AGA: variants seen among roughly 807,000 people sequenced by gnomAD.
AGA encodes N(4)-(beta-N-acetylglucosaminyl)-L-asparaginase.
Under a neutral mutation model 40.1 loss-of-function variants are expected in AGA, and 31 were observed. The ratio of observed to expected loss-of-function variants is 0.77; its 90% CI spans 0.58 to 1.04. The LOEUF is 1.04. AGA is among the 50% of genes least tolerant of loss of function. The pLI, the probability that AGA is intolerant of heterozygous loss-of-function variation, is 0.00. For synonymous variants in AGA, 148 were observed against 144.0 expected (o/e 1.03, Z -0.20); for missense variants, 445 against 435.4 (o/e 1.02, Z -0.20).
rs767973507 is a variant in AGA at position 177,434,345 on chromosome 4, CA to C, written c.806+36del. ...TCTTAAAAGAAAAAAATATCTTCTC[CA>C]AAGGTCTCTAAAATTCACAAACTAA... On this transcript the variant is annotated intron_variant, in intron 7 of 8. Coordinates refer to ENST00000264595, the MANE Select transcript of AGA (RefSeq NM_000027.4). The C allele has an allele frequency of 4.4e-6, 7 of 1,574,936 alleles. 1 individual carries two copies.
At position 177,440,276 on chromosome 4, in the gene AGA, T is replaced by C; in HGVS notation, c.278A>G (p.Asp93Gly). 1.2e-6 allele frequency: 2 copies of C among 1,613,846 alleles called. No individual in the cohort carries two copies. The highest frequency in any genetic ancestry group is 1.1e-5 in the South Asian group (1 of 91,062). ...AGGACCTGAACGGTGTTCTTACCCA[T>C]CCATGATCATGGCATCTAGTGTGGT... ...GETTLDAMIM[D>G]GTTMDVGAVG... The change falls in exon 2 of 9, where the codon GAT becomes GGT. Residue 93 changes from aspartate to glycine, a missense_variant. Asp to Gly is a moderately conservative substitution (Grantham distance 94, BLOSUM62 -1). Coordinates refer to ENST00000264595, the MANE Select transcript of AGA (RefSeq NM_000027.4).
chr4:177,440,512 C>G (rs949735021), intron 1 of AGA, 86 bp from the exon 2 acceptor site: 1 of 1,434,846 alleles, frequency 7.0e-7, no homozygotes, highest in Non-Finnish European at 9.5e-7. Context: ...AATTTAACAA[C>G]TTTTTCACAT....
Position 177,439,706 on chromosome 4 carries a change from G to T in AGA, c.282-18C>A. ...TAGTAGTGCTGCAAGAAAATAGAAT[G>T]CAGTTAGGAATTAAGGAGTTTTCAG... On this transcript the variant is annotated intron_variant, in intron 2 of 8. Transcript: ENST00000264595. 6.5e-7 allele frequency: 1 copy of T among 1,547,438 alleles called. No individual in the cohort carries two copies. Among genetic ancestry groups the T allele is most frequent in the Non-Finnish European group, 8.9e-7 (1 of 1,120,412 alleles).
At chr4:177,437,283 G>A (rs1227968001) in intron 5 of AGA, 122 bp downstream of exon 5, 1 of 753,800 alleles carries the variant, frequency 1.3e-6, no homozygotes, top group Non-Finnish European at 2.3e-6. Flanking sequence ...TATCTATAGA[G>A]AGGCACACTT....
chr4:177,436,290 T>G lies in AGA; in HGVS notation c.684A>C (p.Lys228Asn), dbSNP rs1238822496. ...IAAGTSTNGIKFKIHGRVGDS... is the reference protein window; with the variant it reads ...IAAGTSTNGINFKIHGRVGDS... ...GAAACACTAACCCATGTATTTTGAA[T>G]TTTATACCATTTGTAGATGTACCAG... is the stretch of plus-strand genomic sequence containing the variant. Residue 228 changes from lysine (K) to asparagine (N), a missense_variant, in exon 6 of 9, where the codon AAA (lysine) becomes AAC (asparagine). By Grantham distance (94) the Lys-to-Asn change is moderately conservative. Transcript: ENST00000264595. 1.9e-6 allele frequency: 3 copies of G among 1,613,002 alleles called. No individual in the cohort carries two copies. The East Asian group carries it at 6.7e-5, about 36-fold the overall frequency.
chr4:177,438,140 T>C (rs920968230), intron 4 of AGA, among the ~76,000 whole-genome samples: 2 of 152,116 alleles, frequency 1.3e-5, no homozygotes, highest in Non-Finnish European at 2.9e-5. Flanking sequence ...TCCCCTAACT[T>C]CGTTTTATGA....
chr4:177,438,384 A>G (rs1736889661), intron 4 of AGA, among the ~76,000 whole-genome samples: 1 of 152,210 alleles, frequency 6.6e-6, no homozygotes, highest in African/African-American at 2.4e-5. Context: ...TACTGGATAC[A>G]CTGCACGTAA....
chr4:177,438,869 AAAAAAGG>A lies in AGA; in HGVS notation c.395-19_395-13del. The A allele has an allele frequency of 6.8e-7, 1 of 1,460,402 alleles. No homozygotes were observed. The highest frequency in any genetic ancestry group is 9.6e-7 in the Non-Finnish European group (1 of 1,039,520). 90.5% of individuals were successfully genotyped at this position (1,460,402 alleles called of 1,614,324 possible). On this transcript the variant is annotated splice_polypyrimidine_tract_variant and intron_variant, in intron 3 of 8. Transcript: ENST00000264595. ...AGCAAATGTGGTGGCTGGAGATTGG[AAAAAAGG>A]AAAGTATAAATTATTCAAGTATTGT...
chr4:177,436,129 C>A, intron 6 of AGA, 147 bp downstream of exon 6: 1 of 724,268 alleles, frequency 1.4e-6, no homozygotes, highest in Non-Finnish European at 2.4e-6. Context: ...TCCTGTGGCA[C>A]TCAGCAGAGA....
intron 6 of AGA, among the ~76,000 whole-genome samples, chr4:177,435,135 T>C (rs1351677166): frequency 6.6e-6 from 1 of 151,964 alleles, no homozygotes; most frequent in African/African-American, 2.4e-5. Context: ...GGTCTCGAAC[T>C]CCTGACCTCA....
chr4:177,439,623 C>T lies in AGA; in HGVS notation c.347G>A (p.Arg116Gln), dbSNP rs774967157. The T allele has an allele frequency of 3.7e-6, 6 of 1,613,234 alleles. No homozygotes were observed. The highest frequency in any genetic ancestry group is 1.1e-5 in the South Asian group (1 of 91,074). Residue 116 changes from arginine to glutamine, a missense_variant, in exon 3 of 9, where the codon CGG becomes CAG. Arg to Gln is a conservative substitution (Grantham distance 43). Coordinates refer to ENST00000264595, the MANE Select transcript of AGA (RefSeq NM_000027.4). ...RRIKNAIGVA[R>Q]KVLEHTTHTL... ...GTGTGTTGTATGTTCCAGTACTTTC[C>T]GTGCCACACCAATAGCATTTTTAAT...
At chr4:177,434,570 A>G in intron 6 of AGA, 81 bp from the exon 7 acceptor site, 3 of 1,116,428 alleles carry the variant, frequency 2.7e-6, no homozygotes, top group Non-Finnish European at 4.1e-6. Flanking sequence ...AATAAGGGAT[A>G]GTTCCACTTA....
intron 2 of AGA, 59 bp downstream of exon 2, chr4:177,440,211 CAGA>C: frequency 1.3e-6 from 2 of 1,593,676 alleles, no homozygotes; most frequent in Middle Eastern, 1.7e-4. Flanking sequence ...ATCTTGCTCT[CAGA>C]AGACCACAAC....
chr4:177,435,788 G>GCACGCA (rs1174229828), intron 6 of AGA, among the ~76,000 whole-genome samples: 1 of 148,522 alleles, frequency 6.7e-6, no homozygotes, highest in African/African-American at 2.5e-5. Context: ...CCCTGAGCGT[G>GCACGCA]CACGCACACG....
chr4:177,433,738 C>T (rs748195859), intron 7 of AGA, among the ~76,000 whole-genome samples: 7 of 152,280 alleles, frequency 4.6e-5, no homozygotes, highest in South Asian at 2.1e-4. Flanking sequence ...TAAAGGTACA[C>T]GATGACTGCA....
chr4:177,433,892 A>G (rs766532730), intron 7 of AGA, among the ~76,000 whole-genome samples: 3 of 151,140 alleles, frequency 2.0e-5, no homozygotes, highest in Non-Finnish European at 3.0e-5. Flanking sequence ...CTTAACTTGA[A>G]TGATTATCAT....
chr4:177,432,903 A>C (rs902707271), intron 8 of AGA, among the ~76,000 whole-genome samples: 2 of 152,148 alleles, frequency 1.3e-5, no homozygotes, highest in Non-Finnish European at 2.9e-5. Context: ...ATTAGTATAA[A>C]CATTTGACTA....
intron 1 of AGA, 34 bp from the exon 2 acceptor site, chr4:177,440,460 T>C (rs1273811949): frequency 2.5e-6 from 4 of 1,600,806 alleles, no homozygotes; most frequent in South Asian, 1.1e-5. Context: ...CTTGTTTATA[T>C]ATATATTTTT....
chr4:177,441,502 GGT>G (rs1737009762), intron 1 of AGA, among the ~76,000 whole-genome samples: 1 of 152,262 alleles, frequency 6.6e-6, no homozygotes, highest in African/African-American at 2.4e-5. Context: ...CTATTAACAA[GGT>G]GTAGAAGGCA....
Sources: gnomAD v4.1 joint callset for allele counts (sites outside exome capture counted in the v4.1 genomes callset) on GRCh38, gnomAD v4.1.1 for gene constraint, MANE v1.5 for transcripts, NCBI Gene and HGNC (gene_info 2026-07-23, HGNC 2026-07-21) for gene names.